Variants in PTPRD observed in about 807,000 individuals in gnomAD.
PTPRD encodes the protein receptor-type tyrosine-protein phosphatase delta.
A neutral mutation model predicts 214.5 loss-of-function variants in PTPRD; 34 were observed. The observed-to-expected ratio is 0.16, with a 90% CI of 0.12 to 0.21. The LOEUF (loss-of-function observed/expected upper bound fraction) is 0.21. PTPRD is among the 10% of genes least tolerant of loss of function. The probability of loss-of-function intolerance (pLI) is 1.00; values close to 1 mark genes in which losing one functional copy is unlikely to be tolerated. For synonymous variants in PTPRD, 1,128 were observed against 845.7 expected (o/e 1.33, Z -5.79); for missense variants, 2,545 against 2,398.7 (o/e 1.06, Z -1.27).
chr9:9,378,222 C>G (rs538972528), intron 9 of PTPRD, among the ~76,000 whole-genome samples: 1 of 152,190 alleles, frequency 6.6e-6, no homozygotes, highest in South Asian at 2.1e-4. Context: ...AACCACTGAT[C>G]GTTAAATATC....
chr9:9,450,881 T>A, intron 8 of PTPRD, among the ~76,000 whole-genome samples: 1 of 145,894 alleles, frequency 6.9e-6, no homozygotes, highest in Admixed American at 7.0e-5. Context: ...ATGTCTAAAA[T>A]CCAAGAAAAA....
At chr9:8,704,752 A>G (rs1481241325) in intron 12 of PTPRD, among the ~76,000 whole-genome samples, 1 of 149,734 alleles carries the variant, frequency 6.7e-6, no homozygotes, top group Non-Finnish European at 1.5e-5. Flanking sequence ...ATCTCTACTA[A>G]AAATACAAAA....
chr9:9,614,895 C>T (rs1433360695), intron 7 of PTPRD, among the ~76,000 whole-genome samples: 1 of 152,056 alleles, frequency 6.6e-6, no homozygotes, highest in Non-Finnish European at 1.5e-5. Context: ...GCCTCAGCTC[C>T]CAATGCACCC....
At chr9:8,474,789 G>C (rs966477960) in intron 30 of PTPRD, among the ~76,000 whole-genome samples, 10 of 152,124 alleles carry the variant, frequency 6.6e-5, no homozygotes, top group Non-Finnish European at 1.2e-4. Flanking sequence ...GTCTACCAAA[G>C]TACAAGTCTA....
Position 8,497,132 on chromosome 9 carries a change from G to C in PTPRD, c.2349+110C>G, listed in dbSNP as rs1478741598. The C allele has an allele frequency of 6.5e-6, 6 of 926,714 alleles. No homozygotes were observed. In the African/African-American group the frequency reaches 7.0e-5, roughly 11 times the overall value. 57.4% of individuals were successfully genotyped at this position (926,714 alleles called of 1,614,324 possible). A position where few individuals can be genotyped will look rare whatever the true frequency, so the allele number is the denominator to read the frequency against. On this transcript the variant is annotated intron_variant, in intron 26 of 45. Transcript: ENST00000381196. ...AAGATAACTTAAAAATAATTTGTTA[G>C]TTCATGCATCCAAGCAAACTGTGAT...
At chr9:9,841,977 A>C (rs1244196899) in intron 5 of PTPRD, among the ~76,000 whole-genome samples, 8 of 152,080 alleles carry the variant, frequency 5.3e-5, no homozygotes, top group Admixed American at 5.2e-4. Flanking sequence ...TTGCTAGGAC[A>C]AGGAAGTAGG....
chr9:8,348,547 A>G (rs1330125252), intron 39 of PTPRD, among the ~76,000 whole-genome samples: 1 of 152,090 alleles, frequency 6.6e-6, no homozygotes, highest in Non-Finnish European at 1.5e-5. Context: ...TGGTCTTTTA[A>G]TAGTAATTTT....
intron 5 of PTPRD, among the ~76,000 whole-genome samples, chr9:9,807,438 T>A (rs546709278): frequency 1.3e-5 from 2 of 152,240 alleles, no homozygotes; most frequent in South Asian, 4.1e-4. Flanking sequence ...GATGCGATGT[T>A]GGCTAGGAAG....
intron 2 of PTPRD, among the ~76,000 whole-genome samples, chr9:10,398,199 C>T (rs139976232): frequency 2.9e-3 from 441 of 151,466 alleles, no homozygotes; most frequent in African/African-American, 8.3e-3. Flanking sequence ...GACAACACAG[C>T]GAGACCCTGT....
intron 5 of PTPRD, among the ~76,000 whole-genome samples, chr9:9,838,744 T>A (rs1359848008): frequency 6.6e-6 from 1 of 152,218 alleles, no homozygotes; most frequent in Non-Finnish European, 1.5e-5. Flanking sequence ...GTAGTTTCTT[T>A]TGCTGTGCAG....
chr9:9,599,213 T>C (rs1412398), intron 7 of PTPRD, among the ~76,000 whole-genome samples: 63,435 of 151,868 alleles, frequency 0.42, 14,344 homozygotes, highest in Non-Finnish European at 0.51. Flanking sequence ...GCTAAAGTAA[T>C]ACCCTTCTAT....
chr9:9,909,558 G>A (rs2153824731), intron 5 of PTPRD, among the ~76,000 whole-genome samples: 1 of 151,800 alleles, frequency 6.6e-6, no homozygotes, highest in South Asian at 2.1e-4. Context: ...TTATTATTAG[G>A]CACTATCTTA....
chr9:9,796,794 T>C (rs138820666), intron 5 of PTPRD, among the ~76,000 whole-genome samples: 228 of 152,246 alleles, frequency 1.5e-3, no homozygotes, highest in African/African-American at 4.9e-3. Context: ...ATGCTAGTGT[T>C]TTGGGGTTCC....
At position 9,380,441 on chromosome 9, in the gene PTPRD, A is replaced by C. The variant is rs145405074; in HGVS notation, c.-203+17008T>G. On this transcript the variant is annotated intron_variant, in intron 9 of 45. Transcript: ENST00000381196. ...TGGGGTACATGAGATGTTTTGATAC[A>C]GGCATGCAATGTGAAATAAGCCCAT... Among the ~76,000 whole-genome samples the C allele has an allele frequency of 2.6e-3, 401 of 152,226 alleles. 1 individual carries two copies. The highest frequency in any genetic ancestry group is 9.3e-3 in the African/African-American group (386 of 41,556).
chr9:8,496,444 T>C (rs536112558), intron 26 of PTPRD, among the ~76,000 whole-genome samples: 1 of 152,316 alleles, frequency 6.6e-6, no homozygotes, highest in East Asian at 1.9e-4. Context: ...ACTTAGAATG[T>C]AAACACTAGA....
At chr9:8,615,825 T>C (rs1450176211) in intron 14 of PTPRD, among the ~76,000 whole-genome samples, 1 of 152,096 alleles carries the variant, frequency 6.6e-6, no homozygotes, top group Non-Finnish European at 1.5e-5. Context: ...CGTCCCTTTC[T>C]TGCATTCTAA....
intron 7 of PTPRD, among the ~76,000 whole-genome samples, chr9:9,632,168 G>A (rs553124017): frequency 2.1e-4 from 32 of 152,276 alleles, no homozygotes; most frequent in African/African-American, 7.5e-4. Flanking sequence ...ATGAACTGCT[G>A]AATGGATAAA....
intron 39 of PTPRD, among the ~76,000 whole-genome samples, chr9:8,373,919 TAC>T (rs1564369822): frequency 0.036 from 4,176 of 116,378 alleles, 94 homozygotes; most frequent in Admixed American, 0.078. Flanking sequence ...TCTATCTACC[TAC>T]CTACCTATCT....
intron 14 of PTPRD, among the ~76,000 whole-genome samples, chr9:8,621,501 A>T (rs1457014986): frequency 6.6e-6 from 1 of 151,976 alleles, no homozygotes; most frequent in Non-Finnish European, 1.5e-5. Flanking sequence ...CCCCAGTCCT[A>T]CTGGGCAGCA....
Sources: allele counts gnomAD v4.1 joint callset (sites outside exome capture counted in the v4.1 genomes callset), GRCh38; gene constraint gnomAD v4.1.1; transcripts MANE v1.5; gene names NCBI Gene and HGNC (gene_info 2026-07-23, HGNC 2026-07-21).